FOXN3: variants seen among roughly 807,000 people sequenced by gnomAD.
The protein encoded by FOXN3 is forkhead box N3.
A neutral mutation model predicts 38.4 loss-of-function variants in FOXN3; 7 were observed. The ratio of observed to expected loss-of-function variants is 0.18; its 90% CI spans 0.10 to 0.34. The LOEUF is 0.34. Ranked by LOEUF, FOXN3 falls within the 10% of genes least tolerant of loss-of-function variation. The pLI, the probability that FOXN3 is intolerant of heterozygous loss-of-function variation, is 1.00. For missense variants in FOXN3, 456 were observed against 613.4 expected, an observed-to-expected ratio of 0.74 and a Z score of 2.71; for synonymous variants, 230 against 242.2, an observed-to-expected ratio of 0.95 and a Z score of 0.47.
chr14:89,404,031 G>T (rs2140090196), intron 2 of FOXN3, among the ~76,000 whole-genome samples: 1 of 152,314 alleles, frequency 6.6e-6, no homozygotes. Flanking sequence ...TACAGGCAGT[G>T]GCCATGGTAC....
intron 1 of FOXN3, among the ~76,000 whole-genome samples, chr14:89,603,006 G>A (rs963326245): frequency 2.4e-4 from 37 of 152,132 alleles, no homozygotes. Flanking sequence ...AGATGGACCA[G>A]CTGTTCATCA....
intron 1 of FOXN3, among the ~76,000 whole-genome samples, chr14:89,603,121 G>GA (rs1369354149): frequency 2.2e-4 from 33 of 147,872 alleles, no homozygotes; most frequent in Admixed American, 1.5e-3. Context: ...AATGGAAAGG[G>GA]AAAAAAAAAC....
At chr14:89,501,368 G>A (rs75435785) in intron 1 of FOXN3, among the ~76,000 whole-genome samples, 2,982 of 152,196 alleles carry the variant, frequency 0.02, 86 homozygotes, top group African/African-American at 0.061. Flanking sequence ...CACGATGGCG[G>A]GCAGTCAGGT....
At chr14:89,493,092 G>A (rs1444725764) in intron 1 of FOXN3, among the ~76,000 whole-genome samples, 1 of 152,142 alleles carries the variant, frequency 6.6e-6, no homozygotes, top group Non-Finnish European at 1.5e-5. Flanking sequence ...TGTCTGCATC[G>A]CTTTTTCTAA....
intron 4 of FOXN3, 87 bp from the exon 5 acceptor site, chr14:89,180,893 TAA>T (rs1491346208): frequency 2.3e-4 from 137 of 606,566 alleles, no homozygotes; most frequent in South Asian, 4.8e-4. Context: ...GATAGACCAA[TAA>T]GAGAGAGAGA....
chr14:89,386,518 A>T (rs1890794102), intron 2 of FOXN3, among the ~76,000 whole-genome samples: 1 of 152,232 alleles, frequency 6.6e-6, no homozygotes, highest in African/African-American at 2.4e-5. Flanking sequence ...ACCAACTTCT[A>T]AAGTGGTTTT....
chr14:89,362,897 G>T (rs962094919), intron 2 of FOXN3, among the ~76,000 whole-genome samples: 1 of 151,352 alleles, frequency 6.6e-6, no homozygotes, highest in African/African-American at 2.4e-5. Context: ...GTGGATCGTT[G>T]GGCCTGATTT....
intron 1 of FOXN3, among the ~76,000 whole-genome samples, chr14:89,610,832 C>T (rs1260334374): frequency 6.6e-6 from 1 of 152,154 alleles, no homozygotes; most frequent in African/African-American, 2.4e-5. Flanking sequence ...TGATTTGTTT[C>T]CCCCGATTTG....
intron 1 of FOXN3, among the ~76,000 whole-genome samples, chr14:89,521,625 C>T (rs890018415): frequency 2.0e-5 from 3 of 151,856 alleles, no homozygotes; most frequent in African/African-American, 7.3e-5. Context: ...ACAAACTTTC[C>T]AAATTTAAAG....
intron 4 of FOXN3, among the ~76,000 whole-genome samples, chr14:89,245,380 A>G (rs1885260701): frequency 1.3e-5 from 2 of 152,176 alleles, no homozygotes; most frequent in East Asian, 3.9e-4. Flanking sequence ...ACCCAAGAGT[A>G]AGAAATGTTT....
intron 3 of FOXN3, among the ~76,000 whole-genome samples, chr14:89,325,529 A>G (rs959409262): frequency 2.6e-5 from 4 of 152,186 alleles, no homozygotes; most frequent in African/African-American, 7.2e-5. Context: ...TTCTAAATGG[A>G]GGGTGGAGAA....
Position 89,587,011 on chromosome 14 carries a change from T to C in FOXN3, c.-15+32017A>G, listed in dbSNP as rs571537891. Among the ~76,000 whole-genome samples the C allele has an allele frequency of 7.9e-5, 12 of 152,354 alleles. No homozygotes were observed. The East Asian group carries it at 1.7e-3, about 22-fold the overall frequency. ...TACAGACATTTATAGAGATCTCTTTTAAAGAACTGGCTTGCACAATTACAG... is the reference window on the plus strand; with the variant it reads ...TACAGACATTTATAGAGATCTCTTTCAAAGAACTGGCTTGCACAATTACAG... On this transcript the variant is annotated intron_variant, in intron 1 of 6. Transcript: ENST00000345097.
At chr14:89,460,343 C>A (rs533089276) in intron 1 of FOXN3, among the ~76,000 whole-genome samples, 28 of 152,132 alleles carry the variant, frequency 1.8e-4, no homozygotes, top group Non-Finnish European at 3.5e-4. Flanking sequence ...TAGTAACCAA[C>A]AGGAATCGCT....
chr14:89,488,111 G>C (rs1473151957), intron 1 of FOXN3, among the ~76,000 whole-genome samples: 1 of 148,294 alleles, frequency 6.7e-6, no homozygotes, highest in Admixed American at 6.7e-5. Flanking sequence ...TTTTAAGACA[G>C]AGTCTCTATT....
intron 3 of FOXN3, among the ~76,000 whole-genome samples, chr14:89,298,472 T>TAAAA (rs55856005): frequency 0.012 from 1,489 of 123,448 alleles, 48 homozygotes; most frequent in East Asian, 0.11. Context: ...TCCGTCTATT[T>TAAAA]AAAAAAAAAA....
At chr14:89,449,417 C>T (rs1364491973) in intron 1 of FOXN3, among the ~76,000 whole-genome samples, 2 of 152,216 alleles carry the variant, frequency 1.3e-5, no homozygotes, top group African/African-American at 4.8e-5. Context: ...TTCTTTGTCT[C>T]AAACCCCGAG....
Position 89,451,060 on chromosome 14 carries a change from C to T in FOXN3, c.-14-38570G>A, listed in dbSNP as rs146153803. Among the ~76,000 whole-genome samples the T allele has an allele frequency of 6.6e-3, 998 of 152,236 alleles. 9 individuals are homozygous for T. Among genetic ancestry groups the T allele is most frequent in the African/African-American group, 0.023 (951 of 41,526 alleles). On this transcript the variant is annotated intron_variant, in intron 1 of 6. Transcript: ENST00000345097. ...CCCATCTGCAATCTGTGGGGCAGAC[C>T]GTGAAGCCGAAGATGTCTCTCAGCG...
At chr14:89,234,477 G>C (rs1348161136) in intron 4 of FOXN3, among the ~76,000 whole-genome samples, 1 of 152,146 alleles carries the variant, frequency 6.6e-6, no homozygotes, top group Non-Finnish European at 1.5e-5. Flanking sequence ...CAGTGTTGGA[G>C]GCGGGGCCTG....
chr14:89,398,867 C>T (rs1001314515), intron 2 of FOXN3, among the ~76,000 whole-genome samples: 1 of 152,172 alleles, frequency 6.6e-6, no homozygotes, highest in African/African-American at 2.4e-5. Context: ...TGCCTGTAAT[C>T]CCAGCTACTC....
Sources: gnomAD v4.1 joint callset for allele counts (sites outside exome capture counted in the v4.1 genomes callset) on GRCh38, gnomAD v4.1.1 for gene constraint, MANE v1.5 for transcripts, NCBI Gene and HGNC (gene_info 2026-07-23, HGNC 2026-07-21) for gene names.